HMCN1: variants seen among roughly 807,000 people sequenced by gnomAD.
HMCN1 encodes hemicentin 1.
Under a neutral mutation model 625.9 loss-of-function variants are expected in HMCN1, and 321 were observed. The ratio of observed to expected loss-of-function variants is 0.51; its 90% CI spans 0.47 to 0.56. The LOEUF is 0.56. Among genes scored for constraint, HMCN1 ranks in the 20% least tolerant of loss-of-function variants. The probability of loss-of-function intolerance (pLI) is 0.00; values close to 1 mark genes in which losing one functional copy is unlikely to be tolerated. For missense variants in HMCN1, 6,588 were observed against 6,887.3 expected, an observed-to-expected ratio of 0.96 and a Z score of 1.54; for synonymous variants, 2,425 against 2,417.6, an observed-to-expected ratio of 1.00 and a Z score of -0.09.
intron 4 of HMCN1, among the ~76,000 whole-genome samples, chr1:185,866,182 G>A (rs551803576): frequency 5.1e-4 from 77 of 152,070 alleles, no homozygotes; most frequent in African/African-American, 1.7e-3. Context: ...CTTTCATATA[G>A]CTATTAAAAT....
chr1:185,858,758 A>G (rs912148340), intron 2 of HMCN1, among the ~76,000 whole-genome samples: 29 of 149,374 alleles, frequency 1.9e-4, no homozygotes, highest in Non-Finnish European at 2.2e-4. Context: ...GCCAGCAGTA[A>G]TTTTTTTTTC....
chr1:185,855,528 T>A (rs1571452335), intron 2 of HMCN1, among the ~76,000 whole-genome samples: 1 of 152,350 alleles, frequency 6.6e-6, no homozygotes, highest in South Asian at 2.1e-4. Flanking sequence ...TTTTTTTTAA[T>A]GTATTAGGCA....
intron 1 of HMCN1, among the ~76,000 whole-genome samples, chr1:185,742,241 A>G (rs1202886431): frequency 1.3e-5 from 2 of 152,194 alleles, no homozygotes; most frequent in Admixed American, 1.3e-4. Flanking sequence ...TCATTATAAT[A>G]TAAAGAAAAA....
In HMCN1 at chr1:186,139,252, A is replaced by T. The variant is rs527890823; in HGVS notation, c.13924+1280A>T. 3.3e-5 allele frequency among the ~76,000 whole-genome samples: 5 copies of T among 152,362 alleles called. No homozygotes were observed. The East Asian group carries it at 9.6e-4, about 29-fold the overall frequency. ...TCAGGTTGATCTAATTATGAAGCTT[A>T]TTTAAATCGTAGGTATCTGGATTTG... On this transcript the variant is annotated intron_variant, in intron 89 of 106. Coordinates refer to ENST00000271588, the MANE Select transcript of HMCN1 (RefSeq NM_031935.3).
At chr1:186,078,302 A>G in intron 55 of HMCN1, 82 bp downstream of exon 55, 1 of 939,282 alleles carries the variant, frequency 1.1e-6, no homozygotes, top group Non-Finnish European at 1.7e-6. Flanking sequence ...TGTTACACTA[A>G]GCGCTTTTGA....
In HMCN1 at chr1:185,890,146, T is replaced by C. The variant is rs927086353; in HGVS notation, c.622-19191T>C. ...ATGGTAGTTTGTATTTCTGTGGGAT[T>C]GGTGGTGACATCCCCTTTATCATTT... is the stretch of plus-strand genomic sequence containing the variant. On this transcript the variant is annotated intron_variant, in intron 4 of 106. Coordinates refer to ENST00000271588, the MANE Select transcript of HMCN1 (RefSeq NM_031935.3). Among the ~76,000 whole-genome samples the C allele has an allele frequency of 8.6e-5, 13 of 151,658 alleles. 2 individuals carry two copies. The highest frequency in any genetic ancestry group is 5.2e-4 in the Admixed American group (8 of 15,286).
chr1:186,024,412 T>A (rs1183555849), intron 36 of HMCN1, among the ~76,000 whole-genome samples: 2 of 152,162 alleles, frequency 1.3e-5, no homozygotes, highest in Non-Finnish European at 2.9e-5. Flanking sequence ...TTCTTTCTTA[T>A]TTCCCTATCC....
In HMCN1 at chr1:185,966,502, T is replaced by A. The variant is rs78034121; in HGVS notation, c.2212+587T>A. ...TAAAATAACAGTTATATGCCACTTG[T>A]CCTTGGTGAGATACACTTGGATTCT... On this transcript the variant is annotated intron_variant, in intron 14 of 106. Transcript: ENST00000271588. 3.0e-4 allele frequency among the ~76,000 whole-genome samples: 45 copies of A among 152,242 alleles called. No individual in the cohort carries two copies. The East Asian group carries it at 8.5e-3, about 29-fold the overall frequency.
At chr1:185,905,228 C>T (rs1666030491) in intron 4 of HMCN1, among the ~76,000 whole-genome samples, 5 of 151,620 alleles carry the variant, frequency 3.3e-5, no homozygotes, top group South Asian at 2.1e-4. Flanking sequence ...TCTTCCCTCC[C>T]TCCCATTTTC....
At chr1:185,907,449 C>CA (rs1666158164) in intron 4 of HMCN1, among the ~76,000 whole-genome samples, 1 of 151,824 alleles carries the variant, frequency 6.6e-6, no homozygotes, top group African/African-American at 2.4e-5. Context: ...TATGACCATC[C>CA]ATTGTCTGGT....
intron 86 of HMCN1, among the ~76,000 whole-genome samples, chr1:186,132,721 A>G (rs113883168): frequency 6.6e-6 from 1 of 151,926 alleles, no homozygotes. Flanking sequence ...ATATGTATAC[A>G]TGTGCCATGT....
rs933767915 is a variant in HMCN1, at chr1:185,742,929, G to C, written c.268+7882G>C. Among the ~76,000 whole-genome samples, 5 of 152,124 alleles carry C rather than the reference G, an allele frequency of 3.3e-5. 1 individual carries two copies. The highest frequency in any genetic ancestry group is 2.0e-4 in the Admixed American group (3 of 15,262). The stretch of plus-strand genomic sequence containing the variant: ...AAATCAGATATTTTAAATGTGTTAG[G>C]CATGTTTCCCATTTAACAGAATCCT... On this transcript the variant is annotated intron_variant, in intron 1 of 106. Transcript: ENST00000271588.
chr1:186,047,743 A>C (rs1223236020), intron 41 of HMCN1, among the ~76,000 whole-genome samples: 1 of 152,084 alleles, frequency 6.6e-6, no homozygotes, highest in Non-Finnish European at 1.5e-5. Flanking sequence ...TAATTGATTG[A>C]GTTTCCTTAT....
intron 70 of HMCN1, 83 bp downstream of exon 70, chr1:186,107,048 G>T: frequency 1.2e-6 from 1 of 859,066 alleles, no homozygotes. Flanking sequence ...CACATCACAG[G>T]ATATGTTTAT....
chr1:186,112,784 G>C (rs141844911), intron 71 of HMCN1, 28 bp from the exon 72 acceptor site: 3 of 1,613,156 alleles, frequency 1.9e-6, no homozygotes, highest in Non-Finnish European at 2.5e-6. Flanking sequence ...ACATTTTAAC[G>C]GCAAATTTCT....
Position 186,166,235 on chromosome 1 carries a change from C to T in HMCN1, c.15371C>T (p.Ala5124Val), listed in dbSNP as rs767070754. The T allele has an allele frequency of 2.5e-6, 4 of 1,613,928 alleles. No individual in the cohort carries two copies. Among genetic ancestry groups the T allele is most frequent in the Admixed American group, 1.7e-5 (1 of 59,996 alleles). ...GNPCSHSCHN[A>V]MGTYYCSCPK... The stretch of plus-strand genomic sequence containing the variant: ...CCCTGCTCCCATAGCTGCCACAATG[C>T]CATGGGGACTTACTACTGCTCCTGC... The change falls in exon 99 of 107, where the codon GCC (alanine) becomes GTC (valine). Residue 5124 changes from alanine to valine, a missense_variant. By Grantham distance (64) the Ala-to-Val change is moderately conservative. Coordinates refer to ENST00000271588, the MANE Select transcript of HMCN1 (RefSeq NM_031935.3).
intron 1 of HMCN1, among the ~76,000 whole-genome samples, chr1:185,831,585 A>T (rs991403236): frequency 3.3e-5 from 5 of 152,190 alleles, no homozygotes; most frequent in Non-Finnish European, 5.9e-5. Flanking sequence ...GTAGAAAAAC[A>T]TTTACAGTTT....
At position 185,981,066 on chromosome 1, in the gene HMCN1, C is replaced by T. The variant is rs1306644036; in HGVS notation, c.2655C>T (p.Thr885=). ...KIQSETTVTV[T]GLVAPLIGIS... is the part of the protein sequence containing the mutation. ...AGTCAGAGACAACAGTAACAGTGAC[C>T]GGACTTGGTAAGATCAATTGAATGT... is the stretch of plus-strand genomic sequence containing the variant. The change falls in exon 17 of 107, where the codon ACC becomes ACT. Residue 885 remains threonine (T), a synonymous_variant. Transcript: ENST00000271588. 13 of 1,594,106 alleles carry T rather than the reference C, an allele frequency of 8.2e-6. No individual in the cohort carries two copies. The highest frequency in any genetic ancestry group is 1.7e-5 in the Admixed American group (1 of 59,928).
At chr1:185,769,013 T>C (rs984223614) in intron 1 of HMCN1, among the ~76,000 whole-genome samples, 1 of 152,230 alleles carries the variant, frequency 6.6e-6, no homozygotes. Context: ...CTACATTATA[T>C]GACAGTTGTA....
Sources: gnomAD v4.1 joint callset for allele counts (sites outside exome capture counted in the v4.1 genomes callset) on GRCh38, gnomAD v4.1.1 for gene constraint, MANE v1.5 for transcripts, NCBI Gene and HGNC (gene_info 2026-07-23, HGNC 2026-07-21) for gene names.